The following NRXN3 variants were observed in gnomAD, a reference collection of about 807,000 sequenced individuals.
The protein encoded by NRXN3 is neurexin III.
A neutral mutation model predicts 137.6 loss-of-function variants in NRXN3; 32 were observed. The ratio of observed to expected loss-of-function variants is 0.23; its 90% CI spans 0.18 to 0.31. NRXN3 has a LOEUF of 0.31. Ranked by LOEUF, NRXN3 falls within the 10% of genes least tolerant of loss-of-function variation. The probability of loss-of-function intolerance (pLI) is 1.00; values close to 1 mark genes in which losing one functional copy is unlikely to be tolerated. For missense variants in NRXN3, 1,574 were observed against 2,062.5 expected (o/e 0.76, Z 4.59); for synonymous variants, 798 against 784.5 (o/e 1.02, Z -0.29).
intron 1 of NRXN3, among the ~76,000 whole-genome samples, chr14:78,197,162 C>T (rs184458703): frequency 2.5e-4 from 38 of 152,332 alleles, no homozygotes; most frequent in South Asian, 8.3e-4. Context: ...TGAATACCAA[C>T]GCCAGCATAT....
chr14:78,895,295 T>A (rs544500692), intron 10 of NRXN3, among the ~76,000 whole-genome samples: 18 of 152,090 alleles, frequency 1.2e-4, no homozygotes, highest in African/African-American at 4.3e-4. Context: ...AGCGTCTACA[T>A]AAGCACTTGC....
intron 4 of NRXN3, among the ~76,000 whole-genome samples, chr14:78,590,765 A>G (rs2097108978): frequency 6.6e-6 from 1 of 152,110 alleles, no homozygotes. Flanking sequence ...AAATACAAAA[A>G]TTAGCTGGGT....
chr14:79,556,853 G>A (rs2097434491), intron 16 of NRXN3, among the ~76,000 whole-genome samples: 1 of 152,164 alleles, frequency 6.6e-6, no homozygotes, highest in Non-Finnish European at 1.5e-5. Flanking sequence ...ACTGCACCCA[G>A]TCAACTAGCC....
intron 15 of NRXN3, among the ~76,000 whole-genome samples, chr14:79,373,663 C>T (rs980182977): frequency 2.0e-5 from 3 of 152,186 alleles, no homozygotes. Context: ...ATCTTGTTAT[C>T]TCTGGTAATG....
At chr14:79,212,743 G>C (rs1372360102) in intron 15 of NRXN3, among the ~76,000 whole-genome samples, 4 of 151,556 alleles carry the variant, frequency 2.6e-5, no homozygotes, top group Admixed American at 2.0e-4. Flanking sequence ...TAAAACAAAG[G>C]TAAGTAGGTC....
chr14:79,453,468 C>CAAGT (rs1184654841), intron 15 of NRXN3, among the ~76,000 whole-genome samples: 2 of 152,174 alleles, frequency 1.3e-5, no homozygotes, highest in African/African-American at 4.8e-5. Context: ...GAGAGAAAGG[C>CAAGT]AAGTAGCTGT....
chr14:79,295,423 CTT>C (rs1270274460), intron 15 of NRXN3, among the ~76,000 whole-genome samples: 2 of 152,122 alleles, frequency 1.3e-5, no homozygotes, highest in Non-Finnish European at 2.9e-5. Flanking sequence ...AAAAAGCACT[CTT>C]TCAAATGTCT....
intron 16 of NRXN3, among the ~76,000 whole-genome samples, chr14:79,583,164 A>G (rs772326234): frequency 3.9e-5 from 6 of 152,208 alleles, no homozygotes; most frequent in Non-Finnish European, 8.8e-5. Context: ...CAGGTGGCTA[A>G]AAAGAGGGCT....
At chr14:78,461,967 G>T (rs997745700) in intron 4 of NRXN3, among the ~76,000 whole-genome samples, 1 of 152,198 alleles carries the variant, frequency 6.6e-6, no homozygotes, top group African/African-American at 2.4e-5. Context: ...AAAGGGAACT[G>T]GTTCCCAACT....
At chr14:78,885,269 C>G (rs1278778146) in intron 10 of NRXN3, among the ~76,000 whole-genome samples, 2 of 150,742 alleles carry the variant, frequency 1.3e-5, no homozygotes, top group Non-Finnish European at 3.0e-5. Context: ...AAAGAGCATT[C>G]ATTAAATGTG....
chr14:78,693,070 G>A (rs1411269972), intron 6 of NRXN3, among the ~76,000 whole-genome samples: 3 of 151,884 alleles, frequency 2.0e-5, no homozygotes, highest in African/African-American at 4.8e-5. Flanking sequence ...GCAACAGAGC[G>A]AGACTCCATC....
chr14:78,389,009 C>A (rs1258956007), intron 4 of NRXN3, among the ~76,000 whole-genome samples: 2 of 150,014 alleles, frequency 1.3e-5, no homozygotes, highest in South Asian at 2.1e-4. Context: ...ACGTCAACTT[C>A]TAGTAGTGAG....
chr14:79,405,753 A>G (rs781501461), intron 15 of NRXN3, among the ~76,000 whole-genome samples: 4 of 152,122 alleles, frequency 2.6e-5, no homozygotes, highest in African/African-American at 4.8e-5. Context: ...TGAATTTGCA[A>G]TGCCTGGAGG....
chr14:79,245,801 C>T (rs2075078818), intron 15 of NRXN3, among the ~76,000 whole-genome samples: 1 of 152,084 alleles, frequency 6.6e-6, no homozygotes, highest in African/African-American at 2.4e-5. Flanking sequence ...TGCAAGGAGG[C>T]CAGAGTCCTT....
At chr14:79,549,514 T>C (rs988290397) in intron 16 of NRXN3, among the ~76,000 whole-genome samples, 1 of 152,018 alleles carries the variant, frequency 6.6e-6, no homozygotes, top group South Asian at 2.1e-4. Context: ...ACACACATAT[T>C]CCATCTTTCA....
intron 4 of NRXN3, among the ~76,000 whole-genome samples, chr14:78,495,314 A>G (rs1212555443): frequency 6.6e-6 from 1 of 152,022 alleles, no homozygotes; most frequent in Non-Finnish European, 1.5e-5. Context: ...ATCATGGCCA[A>G]TTTTACCTAT....
At chr14:78,533,791 T>C (rs548152395) in intron 4 of NRXN3, among the ~76,000 whole-genome samples, 1 of 152,314 alleles carries the variant, frequency 6.6e-6, no homozygotes, top group East Asian at 1.9e-4. Flanking sequence ...TGAAGCACCT[T>C]CCTTTCTGTT....
intron 15 of NRXN3, among the ~76,000 whole-genome samples, chr14:79,318,182 A>G (rs1165953768): frequency 6.6e-6 from 1 of 152,248 alleles, no homozygotes; most frequent in African/African-American, 2.4e-5. Flanking sequence ...TGCATTGTGT[A>G]TACTAAATGG....
At chr14:79,308,869 A>T (rs1288907423) in intron 15 of NRXN3, among the ~76,000 whole-genome samples, 3 of 117,298 alleles carry the variant, frequency 2.6e-5, no homozygotes, top group Non-Finnish European at 3.6e-5. Flanking sequence ...TTTTGTGAGT[A>T]ATTTTATTTT....
Sources: gnomAD v4.1 joint callset for allele counts (sites outside exome capture counted in the v4.1 genomes callset) on GRCh38, gnomAD v4.1.1 for gene constraint, MANE v1.5 for transcripts, NCBI Gene and HGNC (gene_info 2026-07-23, HGNC 2026-07-21) for gene names.